ZNF835: variants seen among roughly 807,000 people sequenced by gnomAD.
The protein encoded by ZNF835 is zinc finger protein 835.
For missense variants in ZNF835, 783 were observed against 758.4 expected (o/e 1.03, Z -0.38); for synonymous variants, 323 against 324.7 (o/e 0.99, Z 0.06).
intron 1 of ZNF835, among the ~76,000 whole-genome samples, chr19:56,670,850 A>G (rs1251418376): frequency 6.6e-6 from 1 of 152,238 alleles, no homozygotes; most frequent in Non-Finnish European, 1.5e-5. Context: ...ACACCCAGAC[A>G]TGCACACGTG....
chr19:56,665,293 T>G, intron 1 of ZNF835, 48 bp from the exon 2 acceptor site: 1 of 1,535,508 alleles, frequency 6.5e-7, no homozygotes, highest in Non-Finnish European at 8.9e-7. Context: ...CCACTTGTCC[T>G]GAGCTGGAAA....
At position 56,665,203 on chromosome 19, in the gene ZNF835, G is replaced by C; in HGVS notation, c.-5C>G. On this transcript the variant is annotated 5_prime_UTR_variant, in exon 2 of 2. In the 5' UTR this introduces an upstream ATG that the reference lacks. Coordinates refer to ENST00000537055, the MANE Select transcript of ZNF835 (RefSeq NM_001005850.3). ...GACGCTCAAGAGTCCCTCCATCCTC[G>C]ATCCCTGGGCTGCTGTCTTGATCTC... The C allele has an allele frequency of 6.2e-7, 1 of 1,613,744 alleles. No homozygotes were observed. The highest frequency in any genetic ancestry group is 2.2e-5 in the East Asian group (1 of 44,870).
rs1014428820 is a variant in ZNF835 at position 56,663,995 on chromosome 19, C to A, written c.1204G>T (p.Val402Leu). Residue 402 changes from valine to leucine, a missense_variant, in exon 2 of 2, where the codon GTG becomes TTG. Coordinates refer to ENST00000537055, the MANE Select transcript of ZNF835 (RefSeq NM_001005850.3). ...CLQCGAAFSH[V>L]SSLIEHQKIH... The stretch of plus-strand genomic sequence containing the variant: ...TTCTGGTGCTCTATAAGCGAGGACA[C>A]GTGGCTGAAGGCGGCCCCGCATTGC... 7 of 1,609,674 alleles carry A rather than the reference C, an allele frequency of 4.3e-6. No individual in the cohort carries two copies. Among genetic ancestry groups the A allele is most frequent in the Admixed American group, 3.3e-5 (2 of 59,710 alleles).
In ZNF835 at chr19:56,662,409, A is replaced by C. The variant is rs549019316; in HGVS notation, c.*1176T>G. ...TACACAGCAAGAGCTGACTGATACA[A>C]GCATTAAAGTCAGGTCTTTGAGTTA... On this transcript the variant is annotated 3_prime_UTR_variant, in exon 2 of 2. Transcript: ENST00000537055. The C allele has an allele frequency of 5.9e-5, 9 of 152,230 alleles. No homozygotes were observed. The highest frequency in any genetic ancestry group is 2.2e-4 in the African/African-American group (9 of 41,460). 9.4% of individuals were successfully genotyped at this position (152,230 alleles called of 1,614,324 possible).
Position 56,664,259 on chromosome 19 carries a change from G to C in ZNF835, c.940C>G (p.Leu314Val). Residue 314 changes from leucine to valine, a missense_variant, in exon 2 of 2, where the codon CTC becomes GTC. By Grantham distance (32) the Leu-to-Val change is conservative. Transcript: ENST00000537055. Reference protein sequence around the residue: ...KPYTCQDCGALFSQSASLAEH... With the variant: ...KPYTCQDCGAVFSQSASLAEH... ...GCCAGAGAGGCGCTCTGGCTGAAGA[G>C]CGCGCCGCAGTCCTGGCACGTGTAG... 1 of 1,598,784 alleles carries C rather than the reference G, an allele frequency of 6.3e-7. No homozygotes were observed. The highest frequency in any genetic ancestry group is 8.5e-7 in the Non-Finnish European group (1 of 1,174,212).
At chr19:56,671,157 A>C (rs545612840) in intron 1 of ZNF835, among the ~76,000 whole-genome samples, 94 of 151,274 alleles carry the variant, frequency 6.2e-4, no homozygotes, top group African/African-American at 1.9e-3. Flanking sequence ...CCAAGTGAGC[A>C]GGGGCAGACG....
Position 56,664,530 on chromosome 19 carries a change from C to G in ZNF835, c.669G>C (p.Ala223=), listed in dbSNP as rs764173840. 17 of 1,608,532 alleles carry G rather than the reference C, an allele frequency of 1.1e-5. No individual in the cohort carries two copies. The African/African-American group carries it at 1.5e-4, about 14-fold the overall frequency. Residue 223 remains alanine (A), a synonymous_variant, in exon 2 of 2, where the codon GCG becomes GCC. Coordinates refer to ENST00000537055, the MANE Select transcript of ZNF835 (RefSeq NM_001005850.3). ...GGAACGCCTTGGCGCACTGGGCGCA[C>G]GCGTAGGGCCGCTCGCCCGTGTGCA... ...RRVHTGERPY[A]CAQCAKAFRN...
At chr19:56,666,792 C>T (rs1489511414) in intron 1 of ZNF835, among the ~76,000 whole-genome samples, 1 of 152,164 alleles carries the variant, frequency 6.6e-6, no homozygotes, top group African/African-American at 2.4e-5. Flanking sequence ...CACCAGGGGG[C>T]TCACTTACTC....
chr19:56,665,600 G>C (rs1424618484), intron 1 of ZNF835: 6 of 421,020 alleles, frequency 1.4e-5, no homozygotes, highest in South Asian at 7.4e-5. Context: ...CCAGCAAACT[G>C]TCTGCTGCCT....
intron 1 of ZNF835, among the ~76,000 whole-genome samples, chr19:56,668,826 G>C (rs1442316362): frequency 6.6e-6 from 1 of 152,064 alleles, no homozygotes; most frequent in African/African-American, 2.4e-5. Flanking sequence ...GAACTTGCTG[G>C]TGGGGGCCAG....
chr19:56,666,891 C>T (rs2045251047), intron 1 of ZNF835, among the ~76,000 whole-genome samples: 1 of 152,158 alleles, frequency 6.6e-6, no homozygotes, highest in African/African-American at 2.4e-5. Context: ...CAGACAGAAT[C>T]AGCCAACAGT....
In ZNF835 at chr19:56,664,763, C is replaced by T. The variant is rs372562968; in HGVS notation, c.436G>A (p.Ala146Thr). The T allele has an allele frequency of 1.9e-6, 3 of 1,614,118 alleles. No individual in the cohort carries two copies. The highest frequency in any genetic ancestry group is 2.5e-6 in the Non-Finnish European group (3 of 1,179,986). Residue 146 changes from alanine to threonine, a missense_variant, in exon 2 of 2, where the codon GCC becomes ACC. Coordinates refer to ENST00000537055, the MANE Select transcript of ZNF835 (RefSeq NM_001005850.3). ...KPFACPECGKAFSQSVHLTLH... is the reference protein window; with the variant it reads ...KPFACPECGKTFSQSVHLTLH... ...GTCAGGTGCACGCTCTGGCTGAAGG[C>T]CTTGCCGCACTCGGGGCACGCAAAT...
At chr19:56,670,535 C>T (rs775102252) in intron 1 of ZNF835, among the ~76,000 whole-genome samples, 14 of 152,164 alleles carry the variant, frequency 9.2e-5, no homozygotes, top group Non-Finnish European at 1.8e-4. Flanking sequence ...CGTAGCTACA[C>T]ACACACCCAG....
chr19:56,664,837 T>C lies in ZNF835; in HGVS notation c.362A>G (p.Tyr121Cys). Residue 121 changes from tyrosine (Y) to cysteine (C), a missense_variant, in exon 2 of 2, where the codon TAC (tyrosine) becomes TGC (cysteine). Coordinates refer to ENST00000537055, the MANE Select transcript of ZNF835 (RefSeq NM_001005850.3). ...KCGDCGKAFS[Y>C]CSAFILHQRI... ...CTGGTGTAAGATGAACGCTGAACAG[T>C]AGCTGAAGGCCTTCCCGCAGTCCCC... The C allele has an allele frequency of 6.2e-7, 1 of 1,611,272 alleles. No homozygotes were observed. Among genetic ancestry groups the C allele is most frequent in the Non-Finnish European group, 8.5e-7 (1 of 1,177,764 alleles).
intron 1 of ZNF835, among the ~76,000 whole-genome samples, chr19:56,668,649 G>C (rs1005684769): frequency 1.3e-5 from 2 of 152,174 alleles, no homozygotes; most frequent in African/African-American, 4.8e-5. Flanking sequence ...TGTGTTCAGG[G>C]TGGAGAACAC....
At chr19:56,670,077 C>T (rs1293009637) in intron 1 of ZNF835, among the ~76,000 whole-genome samples, 2 of 93,662 alleles carry the variant, frequency 2.1e-5, no homozygotes, top group East Asian at 3.7e-4. Context: ...CAGGAGTCCT[C>T]CATTAGCATA....
chr19:56,667,578 C>A (rs1963695083), intron 1 of ZNF835, among the ~76,000 whole-genome samples: 1 of 152,250 alleles, frequency 6.6e-6, no homozygotes, highest in Non-Finnish European at 1.5e-5. Context: ...CAGGCATTCC[C>A]TGAACCAACT....
intron 1 of ZNF835, among the ~76,000 whole-genome samples, chr19:56,670,226 C>T (rs1233546215): frequency 6.6e-6 from 1 of 152,138 alleles, no homozygotes; most frequent in Non-Finnish European, 1.5e-5. Context: ...CCTTCTACCC[C>T]TGTCACTCAG....
chr19:56,665,963 G>A (rs1210223163), intron 1 of ZNF835, among the ~76,000 whole-genome samples: 1 of 152,110 alleles, frequency 6.6e-6, no homozygotes, highest in African/African-American at 2.4e-5. Context: ...TTAAAATATG[G>A]CCCTGTAATC....
Sources: gnomAD v4.1 joint callset for allele counts (sites outside exome capture counted in the v4.1 genomes callset) on GRCh38, gnomAD v4.1.1 for gene constraint, MANE v1.5 for transcripts, NCBI Gene and HGNC (gene_info 2026-07-23, HGNC 2026-07-21) for gene names.